The following ANKFN1 variants were observed in gnomAD, a reference collection of about 807,000 sequenced individuals.
The protein encoded by ANKFN1 is ankyrin repeat and fibronectin type-III domain-containing protein 1.
A neutral mutation model predicts 108.7 loss-of-function variants in ANKFN1; 74 were observed. The observed-to-expected ratio is 0.68, with a 90% CI of 0.56 to 0.83. The LOEUF is 0.83. Ranked by LOEUF, ANKFN1 falls within the 40% of genes least tolerant of loss-of-function variation. The probability of loss-of-function intolerance (pLI) is 0.00; values close to 1 mark genes in which losing one functional copy is unlikely to be tolerated. For synonymous variants in ANKFN1, 547 were observed against 516.2 expected (o/e 1.06, Z -0.81); for missense variants, 1,505 against 1,382.3 (o/e 1.09, Z -1.41).
chr17:56,239,146 A>G (rs2143984268), intron 3 of ANKFN1, among the ~76,000 whole-genome samples: 1 of 152,244 alleles, frequency 6.6e-6, no homozygotes, highest in African/African-American at 2.4e-5. Context: ...GTTAAAGAGA[A>G]TGGGGAGGAG....
Position 56,465,304 on chromosome 17 carries a change from T to G in ANKFN1, c.1558-1052T>G, listed in dbSNP as rs151309299. Among the ~76,000 whole-genome samples, 442 of 152,300 alleles carry G rather than the reference T, an allele frequency of 2.9e-3. 2 individuals are homozygous for G. The highest frequency in any genetic ancestry group is 0.01 in the African/African-American group (417 of 41,562). ...TTTATGTCAAAAATTATTTATGAAA[T>G]TCCTTATTTGTCCTATGTCTGGTCT... On this transcript the variant is annotated intron_variant, in intron 14 of 20. Transcript: ENST00000682825.
At chr17:56,291,447 T>G (rs2044361623) in intron 3 of ANKFN1, among the ~76,000 whole-genome samples, 1 of 152,222 alleles carries the variant, frequency 6.6e-6, no homozygotes. Flanking sequence ...GCTACCCTAC[T>G]GCACAGAACT....
chr17:56,110,134 C>T (rs1598098066), intron 4 of ANKFN1, among the ~76,000 whole-genome samples: 1 of 152,272 alleles, frequency 6.6e-6, no homozygotes, highest in South Asian at 2.1e-4. Context: ...ACAAAGAACC[C>T]GACTGAGCCC....
At chr17:56,391,577 C>T in intron 8 of ANKFN1, among the ~76,000 whole-genome samples, 1 of 151,848 alleles carries the variant, frequency 6.6e-6, no homozygotes, top group Non-Finnish European at 1.5e-5. Flanking sequence ...CAGGCATGTG[C>T]CACCATGCCC....
intron 5 of ANKFN1, 101 bp from the exon 6 acceptor site, chr17:56,353,735 G>A: frequency 2.0e-6 from 2 of 978,088 alleles, no homozygotes; most frequent in South Asian, 2.9e-5. Context: ...CTTATAAGTG[G>A]ACATGCAGTC....
chr17:56,302,261 A>G (rs1249853132), intron 3 of ANKFN1, among the ~76,000 whole-genome samples: 1 of 152,210 alleles, frequency 6.6e-6, no homozygotes, highest in Admixed American at 6.5e-5. Context: ...TAAAAGAAAA[A>G]TGCCGGTAAT....
chr17:56,326,303 A>C lies in ANKFN1; in HGVS notation c.136A>C (p.Thr46Pro). 6.2e-7 allele frequency: 1 copy of C among 1,614,048 alleles called. No homozygotes were observed. The highest frequency in any genetic ancestry group is 8.5e-7 in the Non-Finnish European group (1 of 1,179,912). ...CCAATGTGATTTATTGAATGAAAGC[A>C]CTGGACAATTACCAACAACTTGTTC... Reference protein sequence around the residue: ...QSQCDLLNESTGQLPTTCSSA... With the variant: ...QSQCDLLNESPGQLPTTCSSA... The change falls in exon 4 of 21, where the codon ACT (threonine) becomes CCT (proline). Residue 46 changes from threonine (T) to proline (P), a missense_variant. Transcript: ENST00000682825.
chr17:56,489,672 T>C (rs907207265), intron 18 of ANKFN1, among the ~76,000 whole-genome samples: 1 of 152,070 alleles, frequency 6.6e-6, no homozygotes, highest in East Asian at 1.9e-4. Context: ...AAGAAGTTAT[T>C]CAGTGCCTCT....
intron 4 of ANKFN1, among the ~76,000 whole-genome samples, chr17:56,146,919 T>C (rs988590989): frequency 6.6e-6 from 1 of 152,210 alleles, no homozygotes; most frequent in Non-Finnish European, 1.5e-5. Context: ...ATCATCAGGC[T>C]GCAAATTTTC....
At chr17:56,358,816 T>C (rs1024983916) in intron 6 of ANKFN1, among the ~76,000 whole-genome samples, 1 of 152,172 alleles carries the variant, frequency 6.6e-6, no homozygotes, top group African/African-American at 2.4e-5. Flanking sequence ...CTATGACTCA[T>C]GTTCAATTGA....
At chr17:56,392,118 TC>T (rs2047457586) in intron 8 of ANKFN1, among the ~76,000 whole-genome samples, 1 of 152,164 alleles carries the variant, frequency 6.6e-6, no homozygotes, top group Non-Finnish European at 1.5e-5. Context: ...TTGACTTAAT[TC>T]TCACAGCGTA....
chr17:56,456,543 G>A (rs546439542), intron 11 of ANKFN1, among the ~76,000 whole-genome samples: 8 of 151,526 alleles, frequency 5.3e-5, no homozygotes, highest in South Asian at 4.2e-4. Flanking sequence ...GACTACAGAC[G>A]TGCGCCACCA....
At chr17:56,189,422 G>A (rs1044730861) in intron 1 of ANKFN1, among the ~76,000 whole-genome samples, 2 of 151,530 alleles carry the variant, frequency 1.3e-5, no homozygotes, top group Non-Finnish European at 2.9e-5. Flanking sequence ...CGCCCGCCTC[G>A]GCCTCCCAAA....
chr17:56,148,546 T>C (rs1219388086), upstream of ANKFN1, among the ~76,000 whole-genome samples: 1 of 152,156 alleles, frequency 6.6e-6, no homozygotes, highest in East Asian at 1.9e-4. Flanking sequence ...CATGTTCTAG[T>C]CGTTTACAAG....
At chr17:56,392,234 G>A (rs964794967) in intron 8 of ANKFN1, among the ~76,000 whole-genome samples, 2 of 152,196 alleles carry the variant, frequency 1.3e-5, no homozygotes, top group South Asian at 2.1e-4. Context: ...GCTGAGCAGG[G>A]AGTTGAACCC....
Position 56,451,941 on chromosome 17 carries a change from C to T in ANKFN1, c.1207+2755C>T, listed in dbSNP as rs183098683. On this transcript the variant is annotated intron_variant, in intron 11 of 20. Transcript: ENST00000682825. ...TAAAATCCTAAATAGGAGGTACCAACATCTACATTAATTTCTGCATTTTGG... is the reference window on the plus strand; with the variant it reads ...TAAAATCCTAAATAGGAGGTACCAATATCTACATTAATTTCTGCATTTTGG... 7.9e-5 allele frequency among the ~76,000 whole-genome samples: 12 copies of T among 152,270 alleles called. No homozygotes were observed. In the East Asian group the frequency reaches 2.1e-3, roughly 27 times the overall value.
chr17:56,053,932 G>T lies in ANKFN1; in HGVS notation c.288+7607G>T, dbSNP rs374572405. Among the ~76,000 whole-genome samples the T allele has an allele frequency of 2.0e-5, 3 of 152,154 alleles. No homozygotes were observed. The East Asian group carries it at 5.8e-4, about 29-fold the overall frequency. On this transcript the variant is annotated intron_variant, in intron 4 of 12. Transcript: ENST00000635860. Reference sequence around the variant, plus strand: ...TGAGTTCTATAGTGGTGAATTCTGAGATTTTAGTGCGCCTGCCATCCAAGT... The same window carrying T: ...TGAGTTCTATAGTGGTGAATTCTGATATTTTAGTGCGCCTGCCATCCAAGT...
intron 3 of ANKFN1, among the ~76,000 whole-genome samples, chr17:56,309,190 CT>C (rs1327490035): frequency 2.6e-5 from 4 of 152,050 alleles, no homozygotes; most frequent in Non-Finnish European, 4.4e-5. Context: ...CTAGACATTA[CT>C]TTTTTTGATG....
intron 4 of ANKFN1, among the ~76,000 whole-genome samples, chr17:56,108,931 G>A (rs1905804025): frequency 6.6e-6 from 1 of 152,280 alleles, no homozygotes; most frequent in East Asian, 1.9e-4. Flanking sequence ...AGTGGCTCTT[G>A]GTTAAGGCCA....
Sources: allele counts gnomAD v4.1 joint callset (sites outside exome capture counted in the v4.1 genomes callset), GRCh38; gene constraint gnomAD v4.1.1; transcripts MANE v1.5; gene names NCBI Gene and HGNC (gene_info 2026-07-23, HGNC 2026-07-21).